DNAH8: variants seen among roughly 807,000 people sequenced by gnomAD.
DNAH8 encodes dynein axonemal heavy chain 8, also known as axonemal beta dynein heavy chain 8.
In DNAH8, 382 loss-of-function variants were observed where a neutral mutation model predicts 562.1. The ratio of observed to expected loss-of-function variants is 0.68; its 90% CI spans 0.63 to 0.74. DNAH8 has a LOEUF of 0.74. DNAH8 is among the 30% of genes least tolerant of loss of function. The pLI, the probability that DNAH8 is intolerant of heterozygous loss-of-function variation, is 0.00. For synonymous variants in DNAH8, 1,881 were observed against 1,919.4 expected (o/e 0.98, Z 0.52); for missense variants, 5,203 against 5,620.4 (o/e 0.93, Z 2.37).
chr6:38,827,732 ACTTTTTTTTTTTTT>A lies in DNAH8; in HGVS notation c.4084-451_4084-438del. On this transcript the variant is annotated intron_variant, in intron 29 of 92. Transcript: ENST00000327475. ...CTGCAAAAGCTTAATTCTTTACCAA[ACTTTTTTTTTTTTT>A]TTTTTTTTTTTTTTTTTTTTTTTTT... is the stretch of plus-strand genomic sequence containing the variant. Among the ~76,000 whole-genome samples the A allele has an allele frequency of 7.8e-5, 2 of 25,748 alleles. 1 individual carries two copies. The highest frequency in any genetic ancestry group is 2.8e-4 in the African/African-American group (2 of 7,064). The allele number at this position is 25,748 out of a possible 152,430, so 16.9% of individuals were successfully genotyped here. A position where few individuals can be genotyped will look rare whatever the true frequency, so the allele number is the denominator to read the frequency against.
At chr6:38,937,344 T>TA (rs1229246214) in intron 77 of DNAH8, among the ~76,000 whole-genome samples, 6 of 128,088 alleles carry the variant, frequency 4.7e-5, no homozygotes, top group African/African-American at 1.5e-4. Context: ...CCCCAGAACT[T>TA]AAAGTATAAT....
chr6:38,934,522 C>T (rs1782803430), intron 76 of DNAH8, among the ~76,000 whole-genome samples: 1 of 152,126 alleles, frequency 6.6e-6, no homozygotes, highest in African/African-American at 2.4e-5. Flanking sequence ...GCAATTTTCC[C>T]AGAAACCTTC....
At chr6:38,906,790 C>T (rs532955988) in intron 63 of DNAH8, among the ~76,000 whole-genome samples, 9 of 152,216 alleles carry the variant, frequency 5.9e-5, no homozygotes, top group East Asian at 1.9e-4. Flanking sequence ...TCAGCACTTC[C>T]GTGAGCACTC....
At chr6:38,764,572 T>C (rs1766819250) in intron 11 of DNAH8, 2 of 151,748 alleles carry the variant, frequency 1.3e-5, no homozygotes, top group South Asian at 4.2e-4. Context: ...TGAGGAAAAA[T>C]AGAGGGAGCA....
chr6:38,724,181 C>T (rs1763017230), intron 3 of DNAH8, among the ~76,000 whole-genome samples: 1 of 151,964 alleles, frequency 6.6e-6, no homozygotes, highest in Admixed American at 6.6e-5. Flanking sequence ...TGGGGTTTCA[C>T]CATGTTGGCC....
chr6:38,847,985 T>C (rs1775431080), intron 36 of DNAH8, among the ~76,000 whole-genome samples: 1 of 152,098 alleles, frequency 6.6e-6, no homozygotes, highest in South Asian at 2.1e-4. Flanking sequence ...CAGAATCTAG[T>C]TGTAGTACCT....
Position 38,781,991 on chromosome 6 carries a change from C to T in DNAH8, c.2259+618C>T, listed in dbSNP as rs111903785. 8.4e-4 allele frequency among the ~76,000 whole-genome samples: 128 copies of T among 151,984 alleles called. 1 individual carries two copies. The highest frequency in any genetic ancestry group is 2.9e-3 in the African/African-American group (122 of 41,452). On this transcript the variant is annotated intron_variant, in intron 16 of 92. Transcript: ENST00000327475. ...TGGAGTTGGTTTGCTTGATCTCGTG[C>T]CCTTTGCTGAAATATAGAACAATAT...
At chr6:38,822,330 G>C (rs1182676710) in intron 26 of DNAH8, 1 of 152,804 alleles carries the variant, frequency 6.5e-6, no homozygotes, top group Non-Finnish European at 1.5e-5. Context: ...AAAATACCAG[G>C]TTTAACAAGC....
At chr6:38,899,947 T>A (rs753296709) in intron 62 of DNAH8, 41 bp downstream of exon 62, 1 of 1,460,950 alleles carries the variant, frequency 6.8e-7, no homozygotes, top group East Asian at 2.4e-5. Context: ...CTATAGTTAA[T>A]TTCTCTATAG....
intron 82 of DNAH8, among the ~76,000 whole-genome samples, chr6:38,960,122 G>T (rs1762513057): frequency 6.6e-6 from 1 of 152,020 alleles, no homozygotes; most frequent in Non-Finnish European, 1.5e-5. Flanking sequence ...AATCAAAGTG[G>T]ATTAAAGACT....
chr6:38,984,982 C>T (rs190834822), intron 87 of DNAH8, among the ~76,000 whole-genome samples: 17 of 152,282 alleles, frequency 1.1e-4, no homozygotes, highest in Admixed American at 9.8e-4. Context: ...AAAACACTGG[C>T]CATCATTTCT....
At chr6:38,730,026 A>T (rs1466229738) in intron 4 of DNAH8, 40 bp downstream of exon 4, 1 of 936,652 alleles carries the variant, frequency 1.1e-6, no homozygotes, top group East Asian at 2.4e-5. Flanking sequence ...TAATTAGTTC[A>T]TGCACGTTAA....
Position 38,883,316 on chromosome 6 carries a change from T to C in DNAH8, c.8002-6T>C, listed in dbSNP as rs1356525534. 1.2e-6 allele frequency: 2 copies of C among 1,604,656 alleles called. No individual in the cohort carries two copies. Among genetic ancestry groups the C allele is most frequent in the Middle Eastern group, 1.7e-4 (1 of 6,030 alleles). On this transcript the variant is annotated splice_region_variant and splice_polypyrimidine_tract_variant and intron_variant, in intron 54 of 92. Transcript: ENST00000327475. Reference sequence around the variant, plus strand: ...ACATTTCAACACTATTATCCTATGATTGCAGGCTGTTTTGCTCACAGGAGA... The same window carrying C: ...ACATTTCAACACTATTATCCTATGACTGCAGGCTGTTTTGCTCACAGGAGA...
Position 38,899,761 on chromosome 6 carries a change from T to C in DNAH8, c.9064-15T>C, listed in dbSNP as rs748935354. ...ATTCTTTTTTCAAATAAGCACGTTT[T>C]AAATCTCAAAACAGATTTCACGAAT... is the stretch of plus-strand genomic sequence containing the variant. On this transcript the variant is annotated splice_polypyrimidine_tract_variant and intron_variant, in intron 61 of 92. Coordinates refer to ENST00000327475, the MANE Select transcript of DNAH8 (RefSeq NM_001206927.2). The C allele has an allele frequency of 1.2e-6, 2 of 1,613,246 alleles. No homozygotes were observed. Among genetic ancestry groups the C allele is most frequent in the Non-Finnish European group, 8.5e-7 (1 of 1,179,480 alleles).
At chr6:38,932,336 C>T (rs1484269131) in intron 76 of DNAH8, among the ~76,000 whole-genome samples, 3 of 152,022 alleles carry the variant, frequency 2.0e-5, no homozygotes, top group Non-Finnish European at 4.4e-5. Context: ...AAAAGAAATT[C>T]CTCTGAATGG....
At position 38,737,870 on chromosome 6, in the gene DNAH8, C is replaced by T. The variant is rs748254078; in HGVS notation, c.1014C>T (p.Ser338=). The change falls in exon 7 of 93, where the codon TCC becomes TCT. Residue 338 remains serine (S), a synonymous_variant. Coordinates refer to ENST00000327475, the MANE Select transcript of DNAH8 (RefSeq NM_001206927.2). ...KLKTIDNVNF[S]KLHTFEEVTA... is the part of the protein sequence containing the mutation. ...AGACAATAGACAATGTTAATTTTTC[C>T]AAACTGCACACCTTTGAAGAAGTAA... 1.3e-6 allele frequency: 2 copies of T among 1,584,858 alleles called. No homozygotes were observed. Among genetic ancestry groups the T allele is most frequent in the East Asian group, 4.7e-5 (2 of 42,138 alleles).
chr6:38,800,180 C>T (rs972967277), intron 21 of DNAH8, among the ~76,000 whole-genome samples: 1 of 151,720 alleles, frequency 6.6e-6, no homozygotes, highest in Non-Finnish European at 1.5e-5. Context: ...TTTTTGGCTA[C>T]TGTAAAGAAT....
intron 31 of DNAH8, among the ~76,000 whole-genome samples, chr6:38,832,681 A>G (rs766028054): frequency 5.3e-5 from 8 of 152,216 alleles, no homozygotes; most frequent in Admixed American, 2.0e-4. Context: ...AACACTAACG[A>G]TAGCTGATTA....
At chr6:38,999,977 A>G (rs1166487102) in intron 88 of DNAH8, among the ~76,000 whole-genome samples, 1 of 152,090 alleles carries the variant, frequency 6.6e-6, no homozygotes, top group Non-Finnish European at 1.5e-5. Flanking sequence ...GGAAATAAAA[A>G]AACAATAATA....
Sources: allele counts gnomAD v4.1 joint callset (sites outside exome capture counted in the v4.1 genomes callset), GRCh38; gene constraint gnomAD v4.1.1; transcripts MANE v1.5; gene names NCBI Gene and HGNC (gene_info 2026-07-23, HGNC 2026-07-21).